KLHL22: variants seen among roughly 807,000 people sequenced by gnomAD.
KLHL22 encodes the protein kelch like family member 22, also known as kelch-like protein 22.
A neutral mutation model predicts 60.7 loss-of-function variants in KLHL22; 18 were observed. The ratio of observed to expected loss-of-function variants is 0.30; its 90% CI spans 0.20 to 0.44. KLHL22 has a LOEUF of 0.44. KLHL22 is among the 20% of genes least tolerant of loss of function. KLHL22 has a pLI of 1.00. For missense variants in KLHL22, 596 were observed against 852.3 expected, an observed-to-expected ratio of 0.70 and a Z score of 3.74; for synonymous variants, 355 against 354.5, an observed-to-expected ratio of 1.00 and a Z score of -0.01.
intron 5 of KLHL22, among the ~76,000 whole-genome samples, chr22:20,447,736 T>C (rs920022273): frequency 2.6e-5 from 4 of 152,038 alleles, no homozygotes; most frequent in African/African-American, 9.7e-5. Context: ...AGAGACAGGG[T>C]TTCACCATGT....
intron 5 of KLHL22, chr22:20,456,222 T>A (rs2053060344): frequency 6.6e-6 from 1 of 152,134 alleles, no homozygotes; most frequent in Non-Finnish European, 1.5e-5. Flanking sequence ...TCACTTACCA[T>A]AATTGTAACC....
At chr22:20,445,199 C>G (rs1045231463) in intron 6 of KLHL22, among the ~76,000 whole-genome samples, 2 of 150,414 alleles carry the variant, frequency 1.3e-5, no homozygotes, top group African/African-American at 2.4e-5. Flanking sequence ...CTTTTCCTCA[C>G]CCTTCTCTAT....
chr22:20,473,822 C>G (rs2053365739), intron 2 of KLHL22, among the ~76,000 whole-genome samples: 1 of 150,794 alleles, frequency 6.6e-6, no homozygotes, highest in African/African-American at 2.4e-5. Flanking sequence ...TTGCAGTGGG[C>G]CAAGATCGTG....
intron 2 of KLHL22, among the ~76,000 whole-genome samples, chr22:20,474,517 G>A (rs902070266): frequency 2.6e-5 from 4 of 151,906 alleles, no homozygotes; most frequent in Admixed American, 6.6e-5. Context: ...TCAGCCTCCC[G>A]GGTAGCTGGG....
chr22:20,490,572 T>C (rs1197372155), intron 1 of KLHL22, among the ~76,000 whole-genome samples: 5 of 152,214 alleles, frequency 3.3e-5, no homozygotes, highest in African/African-American at 9.6e-5. Context: ...CTGGGTGTCT[T>C]CTAATTCAGC....
At chr22:20,470,115 T>A (rs1380443987) in intron 3 of KLHL22, among the ~76,000 whole-genome samples, 1 of 149,214 alleles carries the variant, frequency 6.7e-6, no homozygotes, top group African/African-American at 2.5e-5. Context: ...AAGGTGGGAG[T>A]ATCACCTGAG....
chr22:20,487,633 C>T (rs5999507), intron 2 of KLHL22, among the ~76,000 whole-genome samples: 2,163 of 152,208 alleles, frequency 0.014, 58 homozygotes, highest in African/African-American at 0.049. Context: ...TGGAGGGATG[C>T]AGGGGGTGTT....
At position 20,451,053 on chromosome 22, in the gene KLHL22, G is replaced by A. The variant is rs112727335; in HGVS notation, c.1306-4377C>T. On this transcript the variant is annotated intron_variant, in intron 5 of 6. Coordinates refer to ENST00000328879, the MANE Select transcript of KLHL22 (RefSeq NM_032775.4). The stretch of plus-strand genomic sequence containing the variant: ...CCAAGACTCAGGAGTGGAGCTTTTT[G>A]CCAAGCATCACTTGTAAGAGATGTT... 44 of 1,495,552 alleles carry A rather than the reference G, an allele frequency of 2.9e-5. No individual in the cohort carries two copies. The African/African-American group carries it at 4.0e-4, about 14-fold the overall frequency. The allele number at this position is 1,495,552 out of a possible 1,614,324, so 92.6% of individuals were successfully genotyped here.
chr22:20,490,402 A>G (rs893795310), intron 1 of KLHL22, among the ~76,000 whole-genome samples: 1 of 152,226 alleles, frequency 6.6e-6, no homozygotes, highest in Non-Finnish European at 1.5e-5. Context: ...CCTAAGCTAC[A>G]TACTTGTACA....
chr22:20,476,804 G>A (rs1191250263), intron 2 of KLHL22, among the ~76,000 whole-genome samples: 1 of 149,518 alleles, frequency 6.7e-6, no homozygotes, highest in Non-Finnish European at 1.5e-5. Context: ...CGCCTACCAC[G>A]TTCAAGCGAT....
chr22:20,455,798 G>A (rs994047724), intron 5 of KLHL22, among the ~76,000 whole-genome samples: 4 of 152,198 alleles, frequency 2.6e-5, no homozygotes, highest in Admixed American at 6.5e-5. Flanking sequence ...ACACTAGCAC[G>A]TAGAGCCACA....
At chr22:20,488,868 G>C in intron 2 of KLHL22, 117 bp downstream of exon 2, 1 of 907,636 alleles carries the variant, frequency 1.1e-6, no homozygotes, top group South Asian at 1.6e-5. Context: ...TAGCCACAAG[G>C]AGTAGGGGAG....
At chr22:20,479,306 T>C (rs1271870857) in intron 2 of KLHL22, among the ~76,000 whole-genome samples, 1 of 152,134 alleles carries the variant, frequency 6.6e-6, no homozygotes, top group East Asian at 1.9e-4. Flanking sequence ...TCAGGAATTA[T>C]GTCAAAATAA....
intron 5 of KLHL22, chr22:20,451,654 G>A: frequency 6.2e-7 from 1 of 1,606,158 alleles, no homozygotes; most frequent in Non-Finnish European, 8.5e-7. Flanking sequence ...ACGATGCTAT[G>A]TAGGGGCCAC....
chr22:20,451,885 C>G, intron 5 of KLHL22: 1 of 1,447,864 alleles, frequency 6.9e-7, no homozygotes, highest in Non-Finnish European at 9.6e-7. Flanking sequence ...GTGGGAGAAT[C>G]AAGAATCCTT....
chr22:20,484,761 GTC>G (rs2053560120), intron 2 of KLHL22, among the ~76,000 whole-genome samples: 1 of 148,688 alleles, frequency 6.7e-6, no homozygotes, highest in Admixed American at 6.7e-5. Context: ...GAGAAAAGAG[GTC>G]TCTTACTTTG....
intron 2 of KLHL22, chr22:20,483,174 A>G: frequency 1.6e-6 from 1 of 635,178 alleles, no homozygotes; most frequent in Admixed American, 2.2e-5. Flanking sequence ...TTTCTCAAGG[A>G]GTCCAGGTTG....
intron 2 of KLHL22, among the ~76,000 whole-genome samples, chr22:20,478,679 T>C (rs989489017): frequency 2.7e-5 from 4 of 149,770 alleles, no homozygotes; most frequent in African/African-American, 9.7e-5. Context: ...CACGCCTAGC[T>C]AATTTTTTGT....
At chr22:20,459,038 T>A (rs1223358751) in intron 4 of KLHL22, among the ~76,000 whole-genome samples, 2 of 152,064 alleles carry the variant, frequency 1.3e-5, no homozygotes, top group Non-Finnish European at 2.9e-5. Context: ...ACAGGGAGCA[T>A]GGCCTGCAAT....
Sources: allele counts gnomAD v4.1 joint callset (sites outside exome capture counted in the v4.1 genomes callset), GRCh38; gene constraint gnomAD v4.1.1; transcripts MANE v1.5; gene names NCBI Gene and HGNC (gene_info 2026-07-23, HGNC 2026-07-21).